EYS: variants seen among roughly 807,000 people sequenced by gnomAD.
EYS encodes EGF-like photoreceptor maintenance factor.
EYS carries 250 observed loss-of-function variants against 282.1 expected under a neutral mutation model. That is an observed-to-expected ratio of 0.89 (90% CI 0.80 to 0.98). The LOEUF is 0.98. Ranked by LOEUF, EYS falls within the 50% of genes least tolerant of loss-of-function variation. The pLI is 0.00. For synonymous variants in EYS, 1,355 were observed against 1,282.9 expected (o/e 1.06, Z -1.20); for missense variants, 4,016 against 3,709.0 (o/e 1.08, Z -2.15).
Position 64,638,265 on chromosome 6 carries a change from T to C in EYS, c.3444-12020A>G, listed in dbSNP as rs1214691138. On this transcript the variant is annotated intron_variant, in intron 22 of 42. Coordinates refer to ENST00000503581, the MANE Select transcript of EYS (RefSeq NM_001142800.2). ...CTGAGGCAGGGACAGAACTAAACTTTAAACAGAACTAGCTTATTCCTGAAA... is the reference window on the plus strand; with the variant it reads ...CTGAGGCAGGGACAGAACTAAACTTCAAACAGAACTAGCTTATTCCTGAAA... Among the ~76,000 whole-genome samples, 2 of 92,086 alleles carry C rather than the reference T, an allele frequency of 2.2e-5. 1 individual carries two copies. Among genetic ancestry groups the C allele is most frequent in the Non-Finnish European group, 4.7e-5 (2 of 42,442 alleles). 60.4% of individuals were successfully genotyped at this position (92,086 alleles called of 152,430 possible).
chr6:64,693,740 CATTAATTTTTTTAAAA>C (rs907557186), intron 22 of EYS, among the ~76,000 whole-genome samples: 9 of 151,856 alleles, frequency 5.9e-5, no homozygotes, highest in African/African-American at 1.7e-4. Flanking sequence ...ATAGCGTAGC[CATTAATTTTTTTAAAA>C]AATCAATAAA....
intron 39 of EYS, among the ~76,000 whole-genome samples, chr6:63,784,452 T>G (rs962426358): frequency 1.3e-5 from 2 of 152,156 alleles, no homozygotes; most frequent in African/African-American, 2.4e-5. Context: ...TACCTGAAAC[T>G]GGGTAATTTA....
In EYS at chr6:65,519,709, T is replaced by TATATATATATATATATATATA. The variant is rs1554205853; in HGVS notation, c.-332-23717_-332-23716insTATATATATATATATATATAT. Reference sequence around the variant, plus strand: ...AACTATATATATATATATATATATATTTTTTTTTTTTTTTTTTTTTTTTTG... The same window carrying TATATATATATATATATATATA: ...AACTATATATATATATATATATATATATATATATATATATATATATATTTTTTTTTTTTTTTTTTTTTTTTG... On this transcript the variant is annotated intron_variant, in intron 2 of 42. Coordinates refer to ENST00000503581, the MANE Select transcript of EYS (RefSeq NM_001142800.2). Among the ~76,000 whole-genome samples the TATATATATATATATATATATA allele has an allele frequency of 8.0e-4, 27 of 33,914 alleles. 2 individuals are homozygous for TATATATATATATATATATATA. The highest frequency in any genetic ancestry group is 0.023 in the Middle Eastern group (1 of 44). The allele number at this position is 33,914 out of a possible 152,430, so 22.2% of individuals were successfully genotyped here. A position where few individuals can be genotyped will look rare whatever the true frequency, so the allele number is the denominator to read the frequency against.
At chr6:65,556,687 CA>C (rs1045730515) in intron 2 of EYS, among the ~76,000 whole-genome samples, 35 of 152,168 alleles carry the variant, frequency 2.3e-4, no homozygotes, top group African/African-American at 7.9e-4. Flanking sequence ...GTTCCACGGG[CA>C]TTATAAATTT....
At chr6:64,418,759 T>C (rs1774136004) in intron 28 of EYS, among the ~76,000 whole-genome samples, 1 of 150,722 alleles carries the variant, frequency 6.6e-6, no homozygotes, top group African/African-American at 2.4e-5. Flanking sequence ...ATGACTATAA[T>C]TGAGGGAAGG....
At chr6:63,791,496 G>T (rs1181927957) in intron 37 of EYS, among the ~76,000 whole-genome samples, 1 of 151,416 alleles carries the variant, frequency 6.6e-6, no homozygotes, top group Non-Finnish European at 1.5e-5. Context: ...GAGAATGGCG[G>T]GAACCTGGGA....
At chr6:65,085,964 C>T (rs1308550538) in intron 12 of EYS, among the ~76,000 whole-genome samples, 6 of 151,802 alleles carry the variant, frequency 4.0e-5, no homozygotes, top group Non-Finnish European at 7.4e-5. Flanking sequence ...CCCTTCTCTA[C>T]GTCTATAAAA....
chr6:64,349,856 A>C (rs1439617593), intron 29 of EYS, among the ~76,000 whole-genome samples: 1 of 151,558 alleles, frequency 6.6e-6, no homozygotes, highest in East Asian at 1.9e-4. Context: ...ACAAGAGTAA[A>C]ATATGTAGTT....
intron 22 of EYS, among the ~76,000 whole-genome samples, chr6:64,672,355 C>A (rs1327558031): frequency 2.0e-5 from 3 of 152,144 alleles, no homozygotes; most frequent in Non-Finnish European, 4.4e-5. Context: ...AATCTGAGTT[C>A]TCTTTTTTCC....
At chr6:64,941,151 C>T (rs12208730) in intron 15 of EYS, among the ~76,000 whole-genome samples, 43,747 of 151,818 alleles carry the variant, frequency 0.29, 7,491 homozygotes, top group African/African-American at 0.48. Context: ...GAGGCTGAGG[C>T]GGGCAGGTCA....
In EYS at chr6:65,520,173, G is replaced by T. The variant is rs189341230; in HGVS notation, c.-332-24180C>A. 5.1e-3 allele frequency among the ~76,000 whole-genome samples: 769 copies of T among 152,102 alleles called. 4 individuals carry two copies. The highest frequency in any genetic ancestry group is 8.2e-3 in the Admixed American group (126 of 15,276). On this transcript the variant is annotated intron_variant, in intron 2 of 42. Transcript: ENST00000503581. Reference sequence around the variant, plus strand: ...ATATAGAAAATGTGTACTTGCAAAAGAATTCCATTATAATTTGAAAACTCA... The same window carrying T: ...ATATAGAAAATGTGTACTTGCAAAATAATTCCATTATAATTTGAAAACTCA...
intron 33 of EYS, among the ~76,000 whole-genome samples, chr6:64,024,828 C>T (rs1025288994): frequency 1.6e-4 from 25 of 152,090 alleles, no homozygotes; most frequent in African/African-American, 5.8e-4. Flanking sequence ...CACATCCGAA[C>T]ATCAGAAGGA....
At chr6:64,609,116 T>C (rs527613550) in intron 24 of EYS, among the ~76,000 whole-genome samples, 183 of 152,236 alleles carry the variant, frequency 1.2e-3, no homozygotes, top group African/African-American at 4.3e-3. Flanking sequence ...TCATGGGATG[T>C]TGATAGTGAG....
At chr6:65,275,964 TAACAC>T (rs1768034917) in intron 12 of EYS, among the ~76,000 whole-genome samples, 1 of 152,016 alleles carries the variant, frequency 6.6e-6, no homozygotes. Context: ...GTATTCCACA[TAACAC>T]TGCTTCTAAT....
chr6:64,648,608 A>G (rs1041860971), intron 22 of EYS, among the ~76,000 whole-genome samples: 4 of 152,216 alleles, frequency 2.6e-5, no homozygotes, highest in African/African-American at 7.2e-5. Context: ...ATCTGAGTCA[A>G]ATCATGTGGA....
At chr6:64,770,338 G>T (rs967755572) in intron 22 of EYS, among the ~76,000 whole-genome samples, 2 of 151,928 alleles carry the variant, frequency 1.3e-5, no homozygotes, top group Non-Finnish European at 1.5e-5. Context: ...AATACTATTT[G>T]TTTTTTGTCC....
At chr6:64,433,404 T>G (rs1444203276) in intron 28 of EYS, among the ~76,000 whole-genome samples, 3 of 151,968 alleles carry the variant, frequency 2.0e-5, no homozygotes, top group Non-Finnish European at 4.4e-5. Flanking sequence ...GTTTTTGACT[T>G]TTTTTCCCCA....
chr6:63,890,702 A>G (rs1318089165), intron 35 of EYS, among the ~76,000 whole-genome samples: 1 of 152,340 alleles, frequency 6.6e-6, no homozygotes, highest in Non-Finnish European at 1.5e-5. Flanking sequence ...AAGCAAGAGC[A>G]AATATATTCA....
intron 22 of EYS, among the ~76,000 whole-genome samples, chr6:64,778,236 T>C (rs1773739068): frequency 6.6e-6 from 1 of 152,096 alleles, no homozygotes; most frequent in East Asian, 1.9e-4. Flanking sequence ...TACCTCTTGT[T>C]TTGAAGTTGA....
Sources: gnomAD v4.1 joint callset for allele counts (sites outside exome capture counted in the v4.1 genomes callset) on GRCh38, gnomAD v4.1.1 for gene constraint, MANE v1.5 for transcripts, NCBI Gene and HGNC (gene_info 2026-07-23, HGNC 2026-07-21) for gene names.